Variants in MTUS2 observed in about 807,000 individuals in gnomAD.
The protein encoded by MTUS2 is microtubule-associated tumor suppressor candidate 2.
A neutral mutation model predicts 114.1 loss-of-function variants in MTUS2; 40 were observed. The ratio of observed to expected loss-of-function variants is 0.35; its 90% CI spans 0.27 to 0.46. The LOEUF (loss-of-function observed/expected upper bound fraction) is 0.46, where lower values mean the gene tolerates loss of function less well. MTUS2 is among the 20% of genes least tolerant of loss of function. The pLI is 1.00. For synonymous variants in MTUS2, 688 were observed against 672.0 expected (o/e 1.02, Z -0.37); for missense variants, 1,679 against 1,705.4 (o/e 0.98, Z 0.27).
chr13:28,821,093 C>T (rs1054750058), intron 1 of MTUS2, among the ~76,000 whole-genome samples: 1 of 151,768 alleles, frequency 6.6e-6, no homozygotes, highest in Non-Finnish European at 1.5e-5. Flanking sequence ...AATACAAACA[C>T]GGAAAGAAGT....
chr13:29,436,819 CTTT>C (rs10715829), intron 8 of MTUS2, among the ~76,000 whole-genome samples: 28 of 137,388 alleles, frequency 2.0e-4, no homozygotes, highest in Admixed American at 2.9e-4. Context: ...TCTTTTCTTG[CTTT>C]TTTTTTTTTT....
chr13:29,146,734 C>T (rs1257323738), intron 5 of MTUS2, among the ~76,000 whole-genome samples: 2 of 152,148 alleles, frequency 1.3e-5, no homozygotes, highest in Non-Finnish European at 2.9e-5. Flanking sequence ...TTGTAATCTT[C>T]ACATTGTCTT....
intron 7 of MTUS2, among the ~76,000 whole-genome samples, chr13:29,327,305 G>A (rs887683437): frequency 2.6e-5 from 4 of 151,946 alleles, no homozygotes; most frequent in South Asian, 2.1e-4. Flanking sequence ...CCATGTGTAC[G>A]CAGCTGTGAA....
intron 1 of MTUS2, among the ~76,000 whole-genome samples, chr13:28,839,372 T>C (rs559745086): frequency 1.3e-5 from 2 of 152,320 alleles, no homozygotes; most frequent in East Asian, 3.9e-4. Flanking sequence ...ATCTACAAAA[T>C]GGACGTGATT....
chr13:29,383,029 T>C (rs1872332625), intron 8 of MTUS2, among the ~76,000 whole-genome samples: 1 of 152,016 alleles, frequency 6.6e-6, no homozygotes, highest in Non-Finnish European at 1.5e-5. Context: ...GTAGATTGAG[T>C]GTAGATTGCA....
At chr13:29,024,364 T>G (rs922076435) in intron 2 of MTUS2, 93 bp from the exon 3 acceptor site, 1 of 274,526 alleles carries the variant, frequency 3.6e-6, no homozygotes, top group Non-Finnish European at 6.8e-6. Flanking sequence ...AATAATAATA[T>G]AGAAATGACA....
chr13:29,100,881 T>G lies in MTUS2; in HGVS notation c.2555T>G (p.Phe852Cys). The change falls in exon 5 of 16, where the codon TTT (phenylalanine) becomes TGT (cysteine). Residue 852 changes from phenylalanine (F) to cysteine (C), a missense_variant. Phe to Cys is a radical substitution (Grantham distance 205). This residue lies in a region of MTUS2 where 822 missense variants were observed against 899.7 expected (regional missense o/e 0.91). Coordinates refer to ENST00000612955, the MANE Select transcript of MTUS2 (RefSeq NM_001033602.4). ...CTCCCGGCAGCCAAACTGGCGGCAT[T>G]TGGCTTTGTCCGGAGCTCCAGCGTC... The part of the protein sequence containing the change: ...SRLPAAKLAA[F>C]GFVRSSSVSS... The G allele has an allele frequency of 6.4e-7, 1 of 1,563,228 alleles. No homozygotes were observed. Among genetic ancestry groups the G allele is most frequent in the Middle Eastern group, 1.7e-4 (1 of 6,000 alleles).
intron 2 of MTUS2, among the ~76,000 whole-genome samples, chr13:28,996,205 G>A (rs1885095942): frequency 6.6e-6 from 1 of 152,174 alleles, no homozygotes; most frequent in Admixed American, 6.5e-5. Flanking sequence ...TACATTTATT[G>A]ATTTTCGTAT....
intron 6 of MTUS2, chr13:29,307,923 G>T (rs1190363774): frequency 3.7e-5 from 19 of 518,112 alleles, no homozygotes; most frequent in Non-Finnish European, 6.6e-5. Context: ...AGAGGGAGGG[G>T]CCTAGGGAGC....
At chr13:29,059,228 ATTTTTTT>A (rs35369352) in intron 4 of MTUS2, among the ~76,000 whole-genome samples, 7 of 97,128 alleles carry the variant, frequency 7.2e-5, no homozygotes, top group African/African-American at 2.4e-4. Flanking sequence ...TATTCTTTGG[ATTTTTTT>A]TTTTTTTTTT....
intron 5 of MTUS2, among the ~76,000 whole-genome samples, chr13:29,236,745 G>A (rs1896550528): frequency 6.6e-6 from 1 of 152,232 alleles, no homozygotes; most frequent in Admixed American, 6.5e-5. Flanking sequence ...GAGAAAGGAG[G>A]TGAGATGCTC....
chr13:28,954,530 A>G (rs1224728492), intron 2 of MTUS2, among the ~76,000 whole-genome samples: 1 of 152,178 alleles, frequency 6.6e-6, no homozygotes, highest in African/African-American at 2.4e-5. Context: ...TCCTTTATTC[A>G]GGAATGTATT....
intron 5 of MTUS2, among the ~76,000 whole-genome samples, chr13:29,137,772 G>A (rs954288983): frequency 6.0e-5 from 7 of 117,258 alleles, no homozygotes; most frequent in East Asian, 5.1e-4. Context: ...GCACACCACC[G>A]TGCCTGGTTA....
chr13:29,356,340 T>A (rs937958760), intron 7 of MTUS2, among the ~76,000 whole-genome samples: 1 of 152,228 alleles, frequency 6.6e-6, no homozygotes, highest in Non-Finnish European at 1.5e-5. Context: ...GTTGGCCATC[T>A]AATTATCCGA....
intron 2 of MTUS2, among the ~76,000 whole-genome samples, chr13:28,862,188 A>G (rs1877029532): frequency 6.6e-6 from 1 of 152,182 alleles, no homozygotes; most frequent in Admixed American, 6.5e-5. Flanking sequence ...ATATTGTCAC[A>G]TGGTTGGTTT....
At position 29,460,889 on chromosome 13, in the gene MTUS2, A is replaced by G. The variant is rs569261521; in HGVS notation, c.3185-19261A>G. Among the ~76,000 whole-genome samples the G allele has an allele frequency of 1.9e-4, 29 of 151,356 alleles. No individual in the cohort carries two copies. In the South Asian group the frequency reaches 5.7e-3, roughly 30 times the overall value. On this transcript the variant is annotated intron_variant, in intron 9 of 15. Coordinates refer to ENST00000612955, the MANE Select transcript of MTUS2 (RefSeq NM_001033602.4). ...AGTTCCACTCCTTGAAGGAAAGTCA[A>G]CAATCTAAAAAAAAAAAAAAAATTG...
chr13:29,193,862 A>C (rs1377445312), intron 5 of MTUS2, among the ~76,000 whole-genome samples: 7 of 152,202 alleles, frequency 4.6e-5, no homozygotes, highest in African/African-American at 1.4e-4. Context: ...GGCTACAATA[A>C]CCAAAACAGC....
chr13:29,199,057 C>G (rs1490143063), intron 5 of MTUS2, among the ~76,000 whole-genome samples: 1 of 152,136 alleles, frequency 6.6e-6, no homozygotes, highest in African/African-American at 2.4e-5. Flanking sequence ...TCCTTTATTT[C>G]TTTCTCTTGC....
chr13:29,307,328 C>G (rs1259728977), intron 6 of MTUS2: 2 of 690,864 alleles, frequency 2.9e-6, no homozygotes, highest in Non-Finnish European at 5.3e-6. Context: ...GTCCCTGCCA[C>G]CCAGAAGACT....
Sources: allele counts gnomAD v4.1 joint callset (sites outside exome capture counted in the v4.1 genomes callset), GRCh38; gene constraint gnomAD v4.1.1; regional missense constraint gnomAD v4.1.1; transcripts MANE v1.5; gene names NCBI Gene and HGNC (gene_info 2026-07-23, HGNC 2026-07-21).